Variants in SS18 observed in about 807,000 individuals in gnomAD.
SS18 encodes SS18 subunit of BAF chromatin remodeling complex, also known as protein SSXT.
A neutral mutation model predicts 72.5 loss-of-function variants in SS18; 28 were observed. That is an observed-to-expected ratio of 0.39 (90% confidence interval 0.29 to 0.53). The LOEUF (loss-of-function observed/expected upper bound fraction) is 0.53, where lower values mean the gene tolerates loss of function less well. Ranked by LOEUF, SS18 falls within the 20% of genes least tolerant of loss-of-function variation. The pLI, the probability that SS18 is intolerant of heterozygous loss-of-function variation, is 0.76. For synonymous variants in SS18, 172 were observed against 164.2 expected, an observed-to-expected ratio of 1.05 and a Z score of -0.37; for missense variants, 518 against 535.3, an observed-to-expected ratio of 0.97 and a Z score of 0.32.
chr18:26,035,180 C>CT lies in SS18; in HGVS notation c.974-54dup. 1.3e-6 allele frequency: 2 copies of CT among 1,592,532 alleles called. No individual in the cohort carries two copies. Among genetic ancestry groups the CT allele is most frequent in the Middle Eastern group, 3.4e-4 (2 of 5,922 alleles). On this transcript the variant is annotated intron_variant, in intron 8 of 10. Transcript: ENST00000415083. This position sits in a 1 kb window ranked among gnomAD's most constrained non-coding sequence, Gnocchi z 4.4. ...AAAACTGAGAAGTCTGCTTAAGTAA[C>CT]TTTTTTCCCTCTAAGATGCATAGCC...
In SS18 at chr18:26,035,645, T is replaced by C; in HGVS notation, c.973+186A>G. On this transcript the variant is annotated intron_variant, in intron 8 of 10. Coordinates refer to ENST00000415083, the MANE Select transcript of SS18 (RefSeq NM_001007559.3). The surrounding 1 kb of genome is among the most constrained non-coding windows in gnomAD (Gnocchi z 4.4). ...TATTATTGTTAGAAATGGCAAGTCA[T>C]GGTTATACATTTTAAATATTTGTAA... is the stretch of plus-strand genomic sequence containing the variant. 1 of 415,264 alleles carries C rather than the reference T, an allele frequency of 2.4e-6. No homozygotes were observed. The allele number at this position is 415,264 out of a possible 1,614,324, so 25.7% of individuals were successfully genotyped here.
intron 3 of SS18, among the ~76,000 whole-genome samples, chr18:26,066,398 A>C (rs1330837797): frequency 1.3e-5 from 2 of 152,134 alleles, no homozygotes; most frequent in Non-Finnish European, 2.9e-5. Flanking sequence ...CTCCATTTGA[A>C]GTCTATCAGA....
intron 2 of SS18, among the ~76,000 whole-genome samples, chr18:26,085,325 G>A (rs1027361834): frequency 7.9e-5 from 12 of 152,158 alleles, no homozygotes; most frequent in Admixed American, 2.6e-4. Flanking sequence ...ATGAACCATC[G>A]TGCCTGGCCA....
In SS18 at chr18:26,078,160, C is replaced by T. The variant is rs202204297; in HGVS notation, c.147G>A (p.Gln49=). The change falls in exon 3 of 11, where the codon CAG becomes CAA. Residue 49 remains glutamine (Q), a splice_region_variant and synonymous_variant. Coordinates refer to ENST00000415083, the MANE Select transcript of SS18 (RefSeq NM_001007559.3). The stretch of plus-strand genomic sequence containing the variant: ...AGTTTGTGTGCAACATCTGCTGATA[C>T]CTATTAAAACAAAACAAGTATCAGT... The part of the protein sequence containing the change: ...QNKGKTSECS[Q]YQQMLHTNLV... 5.0e-6 allele frequency: 8 copies of T among 1,607,080 alleles called. No individual in the cohort carries two copies. In the East Asian group the frequency reaches 1.3e-4, roughly 27 times the overall value.
chr18:26,072,665 C>T lies in SS18; in HGVS notation c.231+5411G>A, dbSNP rs527402818. The stretch of plus-strand genomic sequence containing the variant: ...ACAAAAAATTAGCCAGGCGTAGTGG[C>T]GGGCGCCTGTAGTCCCAGCTACTAG... On this transcript the variant is annotated intron_variant, in intron 3 of 10. Coordinates refer to ENST00000415083, the MANE Select transcript of SS18 (RefSeq NM_001007559.3). 6.7e-4 allele frequency among the ~76,000 whole-genome samples: 102 copies of T among 151,394 alleles called. 1 individual carries two copies. Among genetic ancestry groups the T allele is most frequent in the Non-Finnish European group, 1.3e-3 (90 of 67,588 alleles).
At chr18:26,054,337 A>G (rs2053976854) in intron 4 of SS18, among the ~76,000 whole-genome samples, 1 of 152,228 alleles carries the variant, frequency 6.6e-6, no homozygotes, top group South Asian at 2.1e-4. Flanking sequence ...AAATTTTAAA[A>G]TATATATACC....
intron 5 of SS18, among the ~76,000 whole-genome samples, chr18:26,041,046 C>A (rs1283607034): frequency 6.6e-6 from 1 of 152,162 alleles, no homozygotes; most frequent in Non-Finnish European, 1.5e-5. Context: ...TAGATAAAAA[C>A]TGAGAATAAG....
rs2053285577 is a variant in SS18 at position 26,018,390 on chromosome 18, A to C, written c.1231-10T>G. The C allele has an allele frequency of 2.6e-6, 4 of 1,546,480 alleles. No homozygotes were observed. The South Asian group carries it at 4.5e-5, about 18-fold the overall frequency. The stretch of plus-strand genomic sequence containing the variant: ...AATTTCCATACTGTCCCTAAAAGAT[A>C]AATTTAAAAATATAATTAGATAATA... On this transcript the variant is annotated splice_polypyrimidine_tract_variant and intron_variant, in intron 10 of 10. Coordinates refer to ENST00000415083, the MANE Select transcript of SS18 (RefSeq NM_001007559.3).
intron 3 of SS18, among the ~76,000 whole-genome samples, chr18:26,060,200 A>G (rs971261134): frequency 2.0e-5 from 3 of 152,256 alleles, no homozygotes; most frequent in African/African-American, 7.2e-5. Flanking sequence ...AATACAACGG[A>G]ATATTATTCA....
chr18:26,068,935 C>T (rs754559366), intron 3 of SS18, among the ~76,000 whole-genome samples: 5 of 152,012 alleles, frequency 3.3e-5, no homozygotes, highest in Admixed American at 1.3e-4. Flanking sequence ...ATATTTCAAA[C>T]GCAGTACTCA....
At chr18:26,041,146 G>A (rs1051680701) in intron 5 of SS18, among the ~76,000 whole-genome samples, 1 of 152,212 alleles carries the variant, frequency 6.6e-6, no homozygotes, top group African/African-American at 2.4e-5. Context: ...TCGTAAGCCA[G>A]GAGTGGTGGC....
intron 3 of SS18, among the ~76,000 whole-genome samples, chr18:26,073,904 T>C (rs923203613): frequency 6.6e-6 from 1 of 152,182 alleles, no homozygotes; most frequent in East Asian, 1.9e-4. Flanking sequence ...TATCTAGGCA[T>C]GGGTATTTGG....
In SS18 at chr18:26,057,679, G is replaced by A. The variant is rs377058145; in HGVS notation, c.295C>T (p.Pro99Ser). The change falls in exon 4 of 11, where the codon CCA (proline) becomes TCA (serine). Residue 99 changes from proline (P) to serine (S), a missense_variant. Pro to Ser is a moderately conservative substitution (Grantham distance 74, BLOSUM62 -1). Coordinates refer to ENST00000415083, the MANE Select transcript of SS18 (RefSeq NM_001007559.3). ...GMNQSGPPPPPRSHNMPSDGM... is the reference protein window; with the variant it reads ...GMNQSGPPPPSRSHNMPSDGM... The stretch of plus-strand genomic sequence containing the variant: ...TCTGAAGGCATGTTGTGAGAGCGTG[G>A]AGGTGGGGGAGGGCCGCTCTGATTC... The A allele has an allele frequency of 8.2e-5, 133 of 1,613,996 alleles. No individual in the cohort carries two copies. Among genetic ancestry groups the A allele is most frequent in the Non-Finnish European group, 1.1e-4 (128 of 1,180,014 alleles).
In SS18 at chr18:26,088,050, T is replaced by C. The variant is rs150096673; in HGVS notation, c.70-473A>G. 2.4e-3 allele frequency among the ~76,000 whole-genome samples: 370 copies of C among 152,310 alleles called. 1 individual carries two copies. The highest frequency in any genetic ancestry group is 6.8e-3 in the Middle Eastern group (2 of 294). On this transcript the variant is annotated intron_variant, in intron 1 of 10. Coordinates refer to ENST00000415083, the MANE Select transcript of SS18 (RefSeq NM_001007559.3). ...TGAATCCCCTTGGGTCCTTTTAATATATATGACAGCTCACCGCAAAAAAAT... is the reference window on the plus strand; with the variant it reads ...TGAATCCCCTTGGGTCCTTTTAATACATATGACAGCTCACCGCAAAAAAAT...
chr18:26,039,965 A>G (rs2143891317), intron 5 of SS18, among the ~76,000 whole-genome samples: 1 of 152,352 alleles, frequency 6.6e-6, no homozygotes, highest in East Asian at 1.9e-4. Context: ...CAGGAAAACT[A>G]TACAAACACC....
chr18:26,082,691 T>C (rs1375536373), intron 2 of SS18, among the ~76,000 whole-genome samples: 3 of 152,206 alleles, frequency 2.0e-5, no homozygotes, highest in African/African-American at 7.2e-5. Context: ...TTCAGACCAC[T>C]GACTCATGAG....
At chr18:26,026,890 C>A (rs2053455210) in intron 10 of SS18, among the ~76,000 whole-genome samples, 1 of 151,958 alleles carries the variant, frequency 6.6e-6, no homozygotes, top group African/African-American at 2.4e-5. Context: ...CATCAAAACA[C>A]ATAAAATACT....
intron 10 of SS18, among the ~76,000 whole-genome samples, chr18:26,028,947 T>C (rs2053498512): frequency 6.6e-6 from 1 of 152,116 alleles, no homozygotes; most frequent in Non-Finnish European, 1.5e-5. Context: ...CAAAAAACTA[T>C]GAAAAGGGTA....
chr18:26,070,617 TCA>T (rs1379145183), intron 3 of SS18, among the ~76,000 whole-genome samples: 1 of 152,244 alleles, frequency 6.6e-6, no homozygotes, highest in Non-Finnish European at 1.5e-5. Context: ...CCTTTTATTC[TCA>T]GTGTTTAGAT....
Sources: allele counts gnomAD v4.1 joint callset (sites outside exome capture counted in the v4.1 genomes callset), GRCh38; gene constraint gnomAD v4.1.1; non-coding constraint Gnocchi (gnomAD v3.1); transcripts MANE v1.5; gene names NCBI Gene and HGNC (gene_info 2026-07-23, HGNC 2026-07-21).